The following SEMA3D variants were observed in gnomAD, a reference collection of about 807,000 sequenced individuals.
The protein encoded by SEMA3D is semaphorin 3D.
A neutral mutation model predicts 100.1 loss-of-function variants in SEMA3D; 84 were observed. That is an observed-to-expected ratio of 0.84 (90% CI 0.70 to 1.01). The LOEUF (loss-of-function observed/expected upper bound fraction) is 1.01, where lower values mean the gene tolerates loss of function less well. Among genes scored for constraint, SEMA3D ranks in the 50% least tolerant of loss-of-function variants. The pLI, the probability that SEMA3D is intolerant of heterozygous loss-of-function variation, is 0.00. For synonymous variants in SEMA3D, 312 were observed against 320.7 expected (o/e 0.97, Z 0.29); for missense variants, 875 against 934.1 (o/e 0.94, Z 0.82).
the SEMA3D span, among the ~76,000 whole-genome samples, chr7:85,218,111 G>T: frequency 2.6e-5 from 4 of 152,056 alleles, no homozygotes; most frequent in Non-Finnish European, 5.9e-5. Context: ...CATTTGAGAT[G>T]AAAGGATATT....
rs1270900103 is a variant in SEMA3D, at chr7:85,037,002, A to G, written c.1078T>C (p.Tyr360His). 2 of 1,613,130 alleles carry G rather than the reference A, an allele frequency of 1.2e-6. No individual in the cohort carries two copies. The highest frequency in any genetic ancestry group is 1.7e-6 in the Non-Finnish European group (2 of 1,179,552). The change falls in exon 12 of 19, where the codon TAT (tyrosine) becomes CAT (histidine). Residue 360 changes from tyrosine to histidine, a missense_variant. By Grantham distance (83) the Tyr-to-His change is moderately conservative (BLOSUM62 2). Transcript: ENST00000284136. Reference sequence around the variant, plus strand: ...ACTGCTCTGATGTCAGCCATGCTATACACACAAACAGCAGAGCCTTTGAAG... The same window carrying G: ...ACTGCTCTGATGTCAGCCATGCTATGCACACAAACAGCAGAGCCTTTGAAG... ...SIFKGSAVCVYSMADIRAVFN... is the reference protein window; with the variant it reads ...SIFKGSAVCVHSMADIRAVFN...
At chr7:85,219,845 A>T in the SEMA3D span, among the ~76,000 whole-genome samples, 1 of 152,116 alleles carries the variant, frequency 6.6e-6, no homozygotes, top group Admixed American at 6.6e-5. Flanking sequence ...AATCAATAAA[A>T]AGTTATTGTG....
intron 3 of SEMA3D, among the ~76,000 whole-genome samples, chr7:85,109,355 G>A (rs1371561739): frequency 6.6e-6 from 1 of 151,868 alleles, no homozygotes; most frequent in African/African-American, 2.4e-5. Flanking sequence ...ATATTTTAAT[G>A]TTTAGCATTA....
intron 2 of SEMA3D, among the ~76,000 whole-genome samples, chr7:85,122,336 C>T (rs1388116461): frequency 6.6e-6 from 1 of 151,988 alleles, no homozygotes; most frequent in Non-Finnish European, 1.5e-5. Flanking sequence ...TTTCCCATCG[C>T]TCTTGTTTTA....
chr7:85,083,570 C>T (rs926776778), intron 4 of SEMA3D, among the ~76,000 whole-genome samples: 6 of 149,874 alleles, frequency 4.0e-5, no homozygotes, highest in East Asian at 2.0e-4. Flanking sequence ...ATCGGCCGGG[C>T]GCGGTGGCTC....
At chr7:85,226,798 A>G in the SEMA3D span, among the ~76,000 whole-genome samples, 1 of 152,186 alleles carries the variant, frequency 6.6e-6, no homozygotes, top group South Asian at 2.1e-4. Flanking sequence ...TGCTTTATGG[A>G]ATAGAAACTT....
At position 84,999,542 on chromosome 7, in the gene SEMA3D, G is replaced by T. The variant is rs754421022; in HGVS notation, c.2232C>A (p.Asn744Lys). ...TGTGCTTCCACTTTGGGCCCCCCTT[G>T]TTTCTCTGTCTCCGCTTCTCCCTGT... ...MWHREKRRQR[N>K]KGGPKWKHMQ... Residue 744 changes from asparagine (N) to lysine (K), a missense_variant, in exon 19 of 19, where the codon AAC becomes AAA. By Grantham distance (94) the Asn-to-Lys change is moderately conservative. Coordinates refer to ENST00000284136, the MANE Select transcript of SEMA3D (RefSeq NM_001384900.1). 2.5e-6 allele frequency: 4 copies of T among 1,614,006 alleles called. No individual in the cohort carries two copies. The East Asian group carries it at 8.9e-5, about 36-fold the overall frequency.
intron 6 of SEMA3D, among the ~76,000 whole-genome samples, chr7:85,071,874 T>G (rs1303501737): frequency 6.6e-6 from 1 of 152,190 alleles, no homozygotes; most frequent in Non-Finnish European, 1.5e-5. Flanking sequence ...TGTACTTACA[T>G]AAACATGAGG....
At chr7:85,087,062 C>A (rs1384987116) in intron 4 of SEMA3D, among the ~76,000 whole-genome samples, 2 of 152,196 alleles carry the variant, frequency 1.3e-5, no homozygotes, top group African/African-American at 2.4e-5. Flanking sequence ...TCTTCTTACA[C>A]TGTAGTGTGT....
At chr7:85,055,428 G>A (rs1791280210) in intron 9 of SEMA3D, among the ~76,000 whole-genome samples, 1 of 151,590 alleles carries the variant, frequency 6.6e-6, no homozygotes, top group Non-Finnish European at 1.5e-5. Context: ...CTCACACCAG[G>A]GCAACAGTTC....
At chr7:85,187,878 C>A (rs10257875), upstream of SEMA3D, among the ~76,000 whole-genome samples, 3 of 152,134 alleles carry the variant, frequency 2.0e-5, no homozygotes, top group African/African-American at 7.2e-5. Context: ...GAGCCCTGTA[C>A]GTTAGGCATT....
the SEMA3D span, among the ~76,000 whole-genome samples, chr7:85,217,429 T>C: frequency 6.6e-6 from 1 of 152,054 alleles, no homozygotes; most frequent in South Asian, 2.1e-4. Flanking sequence ...TCTTATAGTT[T>C]AACAAAAACA....
intron 12 of SEMA3D, chr7:85,029,083 A>G: frequency 1.8e-6 from 1 of 555,928 alleles, no homozygotes; most frequent in Non-Finnish European, 3.4e-6. Context: ...TGATGCTACC[A>G]TTCCTACCAG....
chr7:85,076,668 G>A (rs560424642), intron 5 of SEMA3D, among the ~76,000 whole-genome samples: 1 of 152,236 alleles, frequency 6.6e-6, no homozygotes, highest in Non-Finnish European at 1.5e-5. Flanking sequence ...TATTTTTAAT[G>A]TGTGTTGCAG....
At chr7:85,137,399 C>T (rs775468110) in intron 2 of SEMA3D, among the ~76,000 whole-genome samples, 16 of 151,506 alleles carry the variant, frequency 1.1e-4, no homozygotes, top group Non-Finnish European at 1.6e-4. Context: ...ATATATAAAT[C>T]TCATATATAC....
chr7:85,075,606 A>G (rs1791900450), intron 5 of SEMA3D, among the ~76,000 whole-genome samples: 1 of 152,160 alleles, frequency 6.6e-6, no homozygotes, highest in African/African-American at 2.4e-5. Flanking sequence ...CTGACATGGA[A>G]TAAAAAAAAA....
chr7:85,074,283 G>T (rs1791859062), intron 5 of SEMA3D, among the ~76,000 whole-genome samples: 1 of 152,136 alleles, frequency 6.6e-6, no homozygotes, highest in Non-Finnish European at 1.5e-5. Context: ...CACCAGTCAG[G>T]CATGGACCTA....
chr7:85,007,017 A>G (rs904938462), intron 17 of SEMA3D, 76 bp from the exon 18 acceptor site: 1 of 1,103,242 alleles, frequency 9.1e-7, no homozygotes, highest in Non-Finnish European at 1.3e-6. Context: ...CTGATTCAGA[A>G]CAGATGCCAT....
the SEMA3D span, among the ~76,000 whole-genome samples, chr7:85,235,843 G>A: frequency 3.3e-5 from 5 of 152,266 alleles, no homozygotes; most frequent in Non-Finnish European, 1.5e-5. Context: ...CCAGTCTTAG[G>A]AGCATGGCAG....
Sources: gnomAD v4.1 joint callset for allele counts (sites outside exome capture counted in the v4.1 genomes callset) on GRCh38, gnomAD v4.1.1 for gene constraint, MANE v1.5 for transcripts, NCBI Gene and HGNC (gene_info 2026-07-23, HGNC 2026-07-21) for gene names.